Variants in TENM1 observed in about 807,000 individuals in gnomAD.
TENM1 encodes the protein teneurin-1.
A neutral mutation model predicts 174.8 loss-of-function variants in TENM1; 35 were observed. The observed-to-expected ratio is 0.20, with a 90% CI of 0.15 to 0.27. The LOEUF (loss-of-function observed/expected upper bound fraction) is 0.27. Ranked by LOEUF, TENM1 falls within the 10% of genes least tolerant of loss-of-function variation. TENM1 has a pLI of 1.00. For missense variants in TENM1, 1,633 were observed against 2,130.1 expected (o/e 0.77, Z 4.59); for synonymous variants, 781 against 798.7 (o/e 0.98, Z 0.37).
intron 3 of TENM1, among the ~76,000 whole-genome samples, chrX:124,774,584 G>C (rs2054739272): frequency 9.0e-6 from 1 of 111,571 alleles, no homozygotes; most frequent in East Asian, 2.8e-4. Flanking sequence ...TTCATAGTTA[G>C]ATTATCTAAG....
intron 3 of TENM1, among the ~76,000 whole-genome samples, chrX:124,755,314 G>A (rs1259668416): frequency 2.7e-5 from 3 of 110,018 alleles, no homozygotes; most frequent in South Asian, 3.9e-4. Flanking sequence ...TGGCAATCCC[G>A]GCCTTTTTTT....
rs778550670 is a variant in TENM1, at chrX:124,443,670, T to A, written c.4104+9667A>T. Among the ~76,000 whole-genome samples, 3 of 112,043 alleles carry A rather than the reference T, an allele frequency of 2.7e-5. No homozygotes were observed. The Admixed American group carries it at 2.8e-4, about 11-fold the overall frequency. ...TGTTGATTTGGAAAAGATCTTCAAT[T>A]GTATTATGAAACAGTTGTTTTTTTA... On this transcript the variant is annotated intron_variant, in intron 23 of 31. Transcript: ENST00000422452.
chrX:124,660,140 C>T (rs770072134), intron 6 of TENM1, among the ~76,000 whole-genome samples: 3 of 110,748 alleles, frequency 2.7e-5, no homozygotes, highest in South Asian at 3.8e-4. Context: ...ACTGGGAGGC[C>T]GAGACGGGTG....
chrX:124,731,149 G>A (rs1301308143), intron 4 of TENM1, among the ~76,000 whole-genome samples: 2 of 110,860 alleles, frequency 1.8e-5, no homozygotes, highest in East Asian at 5.7e-4. Context: ...ATGAGCCTGA[G>A]GCTTGAGAAA....
rs750656110 is a variant in TENM1 at position 124,709,323 on chromosome X, CAG to C, written c.777-4074_777-4073del. On this transcript the variant is annotated intron_variant, in intron 4 of 31. Transcript: ENST00000422452. Reference sequence around the variant, plus strand: ...GTTTCAAACCCAGGCAGTCTGGCTGCAGAGCCACTGCTCTTAAACAATATACT... The same window carrying C: ...GTTTCAAACCCAGGCAGTCTGGCTGCAGCCACTGCTCTTAAACAATATACT... Among the ~76,000 whole-genome samples, 5 of 111,486 alleles carry C rather than the reference CAG, an allele frequency of 4.5e-5. No individual in the cohort carries two copies. The South Asian group carries it at 1.9e-3, about 42-fold the overall frequency.
chrX:124,707,120 C>T (rs1200083650), intron 4 of TENM1, among the ~76,000 whole-genome samples: 1 of 110,444 alleles, frequency 9.1e-6, no homozygotes. Flanking sequence ...ATTCTCCTGC[C>T]TCAGCCTCGC....
exon 6 of TENM1, chrX:124,671,731 T>A: frequency 8.3e-7 from 1 of 1,210,271 alleles, no homozygotes; most frequent in Non-Finnish European, 1.1e-6. Flanking sequence ...GGAGAGTAAG[T>A]AGTGTCCATG....
At chrX:124,651,469 C>T (rs772048221) in intron 8 of TENM1, among the ~76,000 whole-genome samples, 22 of 111,443 alleles carry the variant, frequency 2.0e-4, no homozygotes, top group Non-Finnish European at 3.2e-4. Flanking sequence ...ATTTTAAAGC[C>T]CTAATGCTTC....
chrX:125,082,228 C>T, the TENM1 span, among the ~76,000 whole-genome samples: 1 of 110,560 alleles, frequency 9.0e-6, no homozygotes, highest in Non-Finnish European at 1.9e-5. Context: ...TTGTCCACAC[C>T]ACCATCAGGA....
intron 3 of TENM1, among the ~76,000 whole-genome samples, chrX:124,819,438 T>A (rs767014012): frequency 2.7e-5 from 3 of 111,458 alleles, no homozygotes; most frequent in African/African-American, 9.8e-5. Flanking sequence ...TGACTTGGCC[T>A]ATCATTGGCA....
At chrX:125,157,015 A>G in the TENM1 span, among the ~76,000 whole-genome samples, 1 of 112,394 alleles carries the variant, frequency 8.9e-6, no homozygotes, top group East Asian at 2.8e-4. Context: ...GATGGCTCCT[A>G]TCCTCATGAT....
intron 3 of TENM1, among the ~76,000 whole-genome samples, chrX:124,794,255 A>C (rs2055251699): frequency 9.0e-6 from 1 of 111,559 alleles, no homozygotes; most frequent in Non-Finnish European, 1.9e-5. Context: ...CAGGCTAACT[A>C]TGTGCTCCTC....
chrX:125,090,304 A>C, the TENM1 span, among the ~76,000 whole-genome samples: 1 of 111,538 alleles, frequency 9.0e-6, no homozygotes, highest in Non-Finnish European at 1.9e-5. Context: ...TAAGGACAGA[A>C]AGGCACACAA....
At chrX:124,936,906 C>T (rs765817803) in intron 1 of TENM1, among the ~76,000 whole-genome samples, 4 of 110,537 alleles carry the variant, frequency 3.6e-5, no homozygotes, top group Non-Finnish European at 7.6e-5. Context: ...ATTAACTGGG[C>T]GTGGTGGCAC....
intron 14 of TENM1, among the ~76,000 whole-genome samples, chrX:124,555,743 A>T (rs933966533): frequency 8.0e-5 from 9 of 112,181 alleles, no homozygotes; most frequent in Non-Finnish European, 1.5e-4. Flanking sequence ...TAGATAACTC[A>T]TTATAAGAAG....
the TENM1 span, among the ~76,000 whole-genome samples, chrX:124,972,010 A>T: frequency 9.0e-6 from 1 of 110,531 alleles, no homozygotes; most frequent in Non-Finnish European, 1.9e-5. Context: ...CTAGGCGGGC[A>T]GATCACGAGG....
chrX:125,192,536 T>C, the TENM1 span, among the ~76,000 whole-genome samples: 1 of 111,568 alleles, frequency 9.0e-6, no homozygotes. Context: ...GAAGGCTGTT[T>C]CAGTATTCCA....
chrX:124,395,459 C>CA (rs2060323152), intron 27 of TENM1, among the ~76,000 whole-genome samples: 1 of 110,475 alleles, frequency 9.1e-6, no homozygotes, highest in Non-Finnish European at 1.9e-5. Context: ...TGTTCCATGC[C>CA]ATGAATTGTA....
chrX:124,546,747 C>T, intron 15 of TENM1, 127 bp downstream of exon 18: 2 of 584,372 alleles, frequency 3.4e-6, no homozygotes, highest in East Asian at 3.5e-5. Context: ...CAGAGAAGTC[C>T]TAAAAAGAAA....
Sources: gnomAD v4.1 joint callset for allele counts (sites outside exome capture counted in the v4.1 genomes callset) on GRCh38, gnomAD v4.1.1 for gene constraint, MANE v1.5 for transcripts, NCBI Gene and HGNC (gene_info 2026-07-23, HGNC 2026-07-21) for gene names.